The following VAT1L variants were observed in gnomAD, a reference collection of about 807,000 sequenced individuals.
VAT1L encodes vesicle amine transport 1 like.
VAT1L carries 34 observed loss-of-function variants against 44.1 expected under a neutral mutation model. The observed-to-expected ratio is 0.77, with a 90% CI of 0.59 to 1.03. The LOEUF is 1.03. VAT1L is among the 50% of genes least tolerant of loss of function. The pLI, the probability that VAT1L is intolerant of heterozygous loss-of-function variation, is 0.00. For synonymous variants in VAT1L, 253 were observed against 202.2 expected, an observed-to-expected ratio of 1.25 and a Z score of -2.13; for missense variants, 615 against 538.8, an observed-to-expected ratio of 1.14 and a Z score of -1.40.
At chr16:77,791,311 A>G (rs541517138) in intron 1 of VAT1L, among the ~76,000 whole-genome samples, 4 of 152,296 alleles carry the variant, frequency 2.6e-5, no homozygotes, top group African/African-American at 9.6e-5. Context: ...TCATAATAGG[A>G]TATGCTTTTT....
At chr16:77,878,153 G>A (rs2017109575) in intron 5 of VAT1L, among the ~76,000 whole-genome samples, 1 of 152,094 alleles carries the variant, frequency 6.6e-6, no homozygotes, top group South Asian at 2.1e-4. Flanking sequence ...TCTAGTACTG[G>A]GATGCCCCGT....
intron 1 of VAT1L, among the ~76,000 whole-genome samples, chr16:77,805,205 A>G (rs2016133999): frequency 6.6e-6 from 1 of 152,142 alleles, no homozygotes. Flanking sequence ...CTGCCATCTG[A>G]GATTTGCATA....
chr16:77,788,601 C>G lies in VAT1L; in HGVS notation c.-82C>G. ...AGCATCCCACATTCAACAGGAGGAACCCGCGGGAGAGGAGCCCCACTCCCC... is the reference window on the plus strand; with the variant it reads ...AGCATCCCACATTCAACAGGAGGAAGCCGCGGGAGAGGAGCCCCACTCCCC... On this transcript the variant is annotated 5_prime_UTR_variant, in exon 1 of 9. Transcript: ENST00000302536. The G allele has an allele frequency of 6.8e-7, 1 of 1,477,956 alleles. No homozygotes were observed. The allele number at this position is 1,477,956 out of a possible 1,614,324, so 91.6% of individuals were successfully genotyped here. A position where few individuals can be genotyped will look rare whatever the true frequency, so the allele number is the denominator to read the frequency against.
chr16:77,977,552 G>T, intron 8 of VAT1L, 45 bp from the exon 9 acceptor site: 10 of 1,593,660 alleles, frequency 6.3e-6, no homozygotes, highest in Non-Finnish European at 8.6e-6. Flanking sequence ...GAGATGACGA[G>T]GCTGGGTTGC....
chr16:77,883,932 A>G (rs563264454), intron 6 of VAT1L, among the ~76,000 whole-genome samples: 28 of 152,226 alleles, frequency 1.8e-4, no homozygotes, highest in South Asian at 4.1e-4. Flanking sequence ...TAACAACCCC[A>G]TCATCACCAC....
At chr16:77,891,353 A>G (rs1044590292) in intron 7 of VAT1L, among the ~76,000 whole-genome samples, 3 of 152,012 alleles carry the variant, frequency 2.0e-5, no homozygotes, top group Admixed American at 6.5e-5. Flanking sequence ...GACTCCGTCT[A>G]AAAAAACAAA....
At chr16:77,966,698 A>G (rs1286792185) in intron 7 of VAT1L, among the ~76,000 whole-genome samples, 13 of 152,214 alleles carry the variant, frequency 8.5e-5, no homozygotes, top group Admixed American at 8.5e-4. Context: ...TGTTATTTCA[A>G]CATGTAATAA....
At chr16:77,976,654 A>G (rs1238029707) in intron 8 of VAT1L, among the ~76,000 whole-genome samples, 2 of 152,176 alleles carry the variant, frequency 1.3e-5, no homozygotes, top group Non-Finnish European at 2.9e-5. Flanking sequence ...GGACAGAACT[A>G]GTTTGTTCTG....
At chr16:77,793,286 T>C (rs991060654) in intron 1 of VAT1L, among the ~76,000 whole-genome samples, 2 of 152,154 alleles carry the variant, frequency 1.3e-5, no homozygotes, top group African/African-American at 2.4e-5. Flanking sequence ...TAATTTTTTT[T>C]TAATTTATTT....
chr16:77,905,329 C>G (rs2017426944), intron 7 of VAT1L, among the ~76,000 whole-genome samples: 1 of 152,110 alleles, frequency 6.6e-6, no homozygotes. Flanking sequence ...AAAGCAGTAG[C>G]TGAGAGGAGA....
At position 77,797,284 on chromosome 16, in the gene VAT1L, G is replaced by C. The variant is rs192653739; in HGVS notation, c.233+8369G>C. On this transcript the variant is annotated intron_variant, in intron 1 of 8. Transcript: ENST00000302536. ...GCACCACCACACCCGGCTAATTTTT[G>C]TATTTTTAGCAGAGACAGATTTCAC... 3.8e-3 allele frequency among the ~76,000 whole-genome samples: 581 copies of C among 152,020 alleles called. 8 individuals are homozygous for C. The highest frequency in any genetic ancestry group is 0.013 in the African/African-American group (556 of 41,452).
chr16:77,884,282 G>A lies in VAT1L; in HGVS notation c.883-326G>A, dbSNP rs2017185361. On this transcript the variant is annotated intron_variant, in intron 6 of 8. Coordinates refer to ENST00000302536, the MANE Select transcript of VAT1L (RefSeq NM_020927.3). This position sits in a 1 kb window ranked among gnomAD's most constrained non-coding sequence, Gnocchi z 4.5. ...CTACTAAAAATACAAAAATTAGCTG[G>A]GCATGGTCGTGGGCGCCTGTAATCC... 6.6e-6 allele frequency among the ~76,000 whole-genome samples: 1 copy of A among 152,104 alleles called. No homozygotes were observed. Among genetic ancestry groups the A allele is most frequent in the African/African-American group, 2.4e-5 (1 of 41,506 alleles).
At chr16:77,918,348 A>T (rs2017572237) in intron 7 of VAT1L, among the ~76,000 whole-genome samples, 1 of 152,204 alleles carries the variant, frequency 6.6e-6, no homozygotes, top group South Asian at 2.1e-4. Context: ...CAAGGTAGAA[A>T]GTTCTCCTCA....
At chr16:77,951,617 A>C (rs1379067685) in intron 7 of VAT1L, among the ~76,000 whole-genome samples, 1 of 152,166 alleles carries the variant, frequency 6.6e-6, no homozygotes, top group Non-Finnish European at 1.5e-5. Context: ...AAACAAAACT[A>C]TAATGCCTGG....
At chr16:77,895,413 T>C (rs942252983) in intron 7 of VAT1L, among the ~76,000 whole-genome samples, 1 of 152,070 alleles carries the variant, frequency 6.6e-6, no homozygotes, top group Non-Finnish European at 1.5e-5. Flanking sequence ...TGAAAGACTC[T>C]GAGACAAGGA....
intron 7 of VAT1L, among the ~76,000 whole-genome samples, chr16:77,904,007 AT>A (rs2017412747): frequency 6.6e-6 from 1 of 152,040 alleles, no homozygotes. Flanking sequence ...AAGTTCTGAG[AT>A]TACAGGTATG....
At chr16:77,954,662 C>T (rs997322565) in intron 7 of VAT1L, among the ~76,000 whole-genome samples, 1 of 152,178 alleles carries the variant, frequency 6.6e-6, no homozygotes, top group Non-Finnish European at 1.5e-5. Context: ...TCATCTCCCC[C>T]TCTCAGGGGC....
In VAT1L at chr16:77,884,831, A is replaced by G; in HGVS notation, c.1077+29A>G. On this transcript the variant is annotated intron_variant, in intron 7 of 8. Coordinates refer to ENST00000302536, the MANE Select transcript of VAT1L (RefSeq NM_020927.3). This position sits in a 1 kb window ranked among gnomAD's most constrained non-coding sequence, Gnocchi z 4.5. The stretch of plus-strand genomic sequence containing the variant: ...AGAATGGTGCTTTTCTTCTGCAAAT[A>G]AACTCCTCTTTTTAACTCAGGAAGG... 1 of 1,441,210 alleles carries G rather than the reference A, an allele frequency of 6.9e-7. No individual in the cohort carries two copies. The highest frequency in any genetic ancestry group is 9.1e-7 in the Non-Finnish European group (1 of 1,095,504). 89.3% of individuals were successfully genotyped at this position (1,441,210 alleles called of 1,614,324 possible). A position where few individuals can be genotyped will look rare whatever the true frequency, so the allele number is the denominator to read the frequency against.
At chr16:77,788,956 C>T in intron 1 of VAT1L, 41 bp downstream of exon 1, 2 of 1,434,142 alleles carry the variant, frequency 1.4e-6, no homozygotes, top group Non-Finnish European at 1.8e-6. Context: ...TCTTTTTGCG[C>T]GCTGGGCGCT....
Sources: gnomAD v4.1 joint callset for allele counts (sites outside exome capture counted in the v4.1 genomes callset) on GRCh38, gnomAD v4.1.1 for gene constraint, Gnocchi (gnomAD v3.1) non-coding constraint, MANE v1.5 for transcripts, NCBI Gene and HGNC (gene_info 2026-07-23, HGNC 2026-07-21) for gene names.